SCGB2B2: variants seen among roughly 807,000 people sequenced by gnomAD.
The protein encoded by SCGB2B2 is secretoglobin family 2B member 2, also known as secretoglobin-like protein.
SCGB2B2 carries 11 observed loss-of-function variants against 7.6 expected under a neutral mutation model. The observed-to-expected ratio is 1.45, with a 90% CI of 0.91 to 2.40. The LOEUF is 2.40. Among genes scored for constraint, SCGB2B2 ranks in the 30% most tolerant of loss-of-function variants. SCGB2B2 has a pLI of 0.00. For missense variants in SCGB2B2, 104 were observed against 115.4 expected (o/e 0.90, Z 0.45); for synonymous variants, 50 against 48.6 (o/e 1.03, Z -0.12).
chr19:34,611,951 C>T (rs1013338520), intron 1 of SCGB2B2, among the ~76,000 whole-genome samples: 6 of 150,676 alleles, frequency 4.0e-5, no homozygotes, highest in African/African-American at 1.5e-4. Flanking sequence ...ATGTGCCTGG[C>T]CCAAAATTTA....
At chr19:34,630,040 T>C (rs2145941800) in intron 1 of SCGB2B2, among the ~76,000 whole-genome samples, 1 of 152,068 alleles carries the variant, frequency 6.6e-6, no homozygotes, top group African/African-American at 2.4e-5. Context: ...TAAATGGTAC[T>C]GGGAAAACTG....
chr19:34,626,027 A>G (rs1159120523), intron 1 of SCGB2B2, among the ~76,000 whole-genome samples: 1 of 152,236 alleles, frequency 6.6e-6, no homozygotes, highest in Non-Finnish European at 1.5e-5. Flanking sequence ...GTGGACCTCC[A>G]GCAAACTCCA....
Position 34,593,475 on chromosome 19 carries a change from A to T in SCGB2B2, c.*80T>A. 1.9e-6 allele frequency: 2 copies of T among 1,076,706 alleles called. No homozygotes were observed. Among genetic ancestry groups the T allele is most frequent in the Non-Finnish European group, 2.8e-6 (2 of 719,608 alleles). The allele number at this position is 1,076,706 out of a possible 1,614,324, so 66.7% of individuals were successfully genotyped here. A position where few individuals can be genotyped will look rare whatever the true frequency, so the allele number is the denominator to read the frequency against. On this transcript the variant is annotated 3_prime_UTR_variant, in exon 4 of 4. Transcript: ENST00000601241. ...GGTGTTCATTGGGGTCTCTGTAGTGATGAACAGAGCCAGGCCAGGAACGCG... is the reference window on the plus strand; with the variant it reads ...GGTGTTCATTGGGGTCTCTGTAGTGTTGAACAGAGCCAGGCCAGGAACGCG...
chr19:34,655,990 A>G (rs773900350), intron 1 of SCGB2B2, among the ~76,000 whole-genome samples: 4 of 151,276 alleles, frequency 2.6e-5, no homozygotes, highest in Non-Finnish European at 5.9e-5. Flanking sequence ...AATGAAGACT[A>G]ACCCTGTTGG....
At chr19:34,599,953 C>T (rs1370541487) in intron 1 of SCGB2B2, among the ~76,000 whole-genome samples, 2 of 152,170 alleles carry the variant, frequency 1.3e-5, no homozygotes, top group Admixed American at 6.5e-5. Context: ...CCTCACAATG[C>T]GCCCTCCAGT....
intron 1 of SCGB2B2, among the ~76,000 whole-genome samples, chr19:34,630,200 T>C (rs1176018341): frequency 2.0e-5 from 3 of 151,882 alleles, no homozygotes; most frequent in African/African-American, 7.2e-5. Flanking sequence ...GACATAGGCA[T>C]GGGCAAGGAC....
At position 34,593,040 on chromosome 19, in the gene SCGB2B2, C is replaced by T. The variant is rs945286941; in HGVS notation, c.*515G>A. 6.6e-6 allele frequency among the ~76,000 whole-genome samples: 1 copy of T among 152,106 alleles called. No individual in the cohort carries two copies. Among genetic ancestry groups the T allele is most frequent in the South Asian group, 2.1e-4 (1 of 4,830 alleles). On this transcript the variant is annotated 3_prime_UTR_variant, in exon 4 of 4. Transcript: ENST00000601241. ...TCCTGGGTTCCGAAAACAGGCATAT[C>T]GACTGGACACAGTGGCTCATGCCTC...
intron 1 of SCGB2B2, among the ~76,000 whole-genome samples, chr19:34,631,390 T>G (rs2066530574): frequency 6.6e-6 from 1 of 152,034 alleles, no homozygotes; most frequent in South Asian, 2.1e-4. Flanking sequence ...AAGACTATTC[T>G]TCTTCCACTG....
intron 1 of SCGB2B2, among the ~76,000 whole-genome samples, chr19:34,626,838 A>T (rs1176912582): frequency 2.0e-5 from 3 of 152,236 alleles, no homozygotes; most frequent in African/African-American, 7.2e-5. Context: ...GAAGGAAAAA[A>T]TGTTAAGGGT....
chr19:34,611,279 A>G (rs2065919301), intron 1 of SCGB2B2, among the ~76,000 whole-genome samples: 1 of 151,914 alleles, frequency 6.6e-6, no homozygotes, highest in Non-Finnish European at 1.5e-5. Context: ...CCAGCTTTTC[A>G]TTTTTTGATC....
At chr19:34,610,675 G>A (rs921692391) in intron 1 of SCGB2B2, among the ~76,000 whole-genome samples, 1 of 151,668 alleles carries the variant, frequency 6.6e-6, no homozygotes. Flanking sequence ...CTTGATCATG[G>A]TGAATTAGCA....
chr19:34,604,181 T>C (rs918706242), intron 1 of SCGB2B2, among the ~76,000 whole-genome samples: 1 of 152,200 alleles, frequency 6.6e-6, no homozygotes, highest in Non-Finnish European at 1.5e-5. Context: ...CCCTCCCAGT[T>C]CAGGTGCAGT....
chr19:34,594,080 A>T (rs530369520), intron 3 of SCGB2B2, 95 bp downstream of exon 3: 1 of 1,049,678 alleles, frequency 9.5e-7, no homozygotes, highest in East Asian at 2.4e-5. Flanking sequence ...TTCCTGCTTA[A>T]AACGTGGAAA....
intron 1 of SCGB2B2, among the ~76,000 whole-genome samples, chr19:34,658,834 A>AAAAAAAAAAAAG (rs1555749405): frequency 8.4e-6 from 1 of 118,756 alleles, no homozygotes; most frequent in Non-Finnish European, 1.9e-5. Context: ...AAAAAAAAAA[A>AAAAAAAAAAAAG]AGAGAGAGAA....
intron 1 of SCGB2B2, among the ~76,000 whole-genome samples, chr19:34,655,012 T>C (rs2067246632): frequency 6.6e-6 from 1 of 151,264 alleles, no homozygotes; most frequent in African/African-American, 2.5e-5. Context: ...TGAGGGTACA[T>C]TCTCTGTACC....
chr19:34,658,405 A>T (rs1568442044), intron 1 of SCGB2B2, among the ~76,000 whole-genome samples: 1 of 152,190 alleles, frequency 6.6e-6, no homozygotes, highest in Non-Finnish European at 1.5e-5. Flanking sequence ...CAATAAAAAA[A>T]TGATAAAGGG....
chr19:34,594,500 T>C lies in SCGB2B2; in HGVS notation c.61+3A>G. The C allele has an allele frequency of 6.2e-7, 1 of 1,613,914 alleles. No individual in the cohort carries two copies. Among genetic ancestry groups the C allele is most frequent in the South Asian group, 1.1e-5 (1 of 91,078 alleles). On this transcript the variant is annotated splice_donor_region_variant and intron_variant, in intron 2 of 3. Transcript: ENST00000601241. ...CTCCCAGCCCTGCTCGCCTCTTTCT[T>C]ACCCAGCTGGACGCTGCAGATCAGA...
At chr19:34,654,138 C>T (rs2067228663) in intron 1 of SCGB2B2, among the ~76,000 whole-genome samples, 1 of 151,090 alleles carries the variant, frequency 6.6e-6, no homozygotes, top group Middle Eastern at 3.4e-3. Context: ...ATACTTTAGA[C>T]AAACATACTT....
chr19:34,604,296 T>C (rs1191589768), intron 1 of SCGB2B2, among the ~76,000 whole-genome samples: 1 of 152,210 alleles, frequency 6.6e-6, no homozygotes, highest in Admixed American at 6.5e-5. Flanking sequence ...AATAGGACCA[T>C]GCAGTTAGTC....
Sources: gnomAD v4.1 joint callset for allele counts (sites outside exome capture counted in the v4.1 genomes callset) on GRCh38, gnomAD v4.1.1 for gene constraint, MANE v1.5 for transcripts, NCBI Gene and HGNC (gene_info 2026-07-23, HGNC 2026-07-21) for gene names.